USP7: variants seen among roughly 807,000 people sequenced by gnomAD.
USP7 encodes the protein ubiquitin C-terminal hydrolase 7.
USP7 carries 9 observed loss-of-function variants against 162.9 expected under a neutral mutation model. That is an observed-to-expected ratio of 0.06 (90% CI 0.03 to 0.10). USP7 has a LOEUF of 0.10. Ranked by LOEUF, USP7 falls within the 10% of genes least tolerant of loss-of-function variation. The pLI is 1.00. For missense variants in USP7, 715 were observed against 1,373.7 expected, an observed-to-expected ratio of 0.52 and a Z score of 7.58; for synonymous variants, 562 against 475.9, an observed-to-expected ratio of 1.18 and a Z score of -2.35.
chr16:8,929,298 T>C (rs11642973), intron 2 of USP7: 24,868 of 353,210 alleles, frequency 0.07, 1,181 homozygotes, highest in South Asian at 0.14. Context: ...ACCCACACCA[T>C]TGCCCTCGTC....
At chr16:8,896,954 C>G in intron 26 of USP7, 45 bp downstream of exon 26, 1 of 1,465,770 alleles carries the variant, frequency 6.8e-7, no homozygotes, top group Non-Finnish European at 9.6e-7. Flanking sequence ...GCGTTAACTG[C>G]CACCCCTAAC....
intron 1 of USP7, among the ~76,000 whole-genome samples, chr16:8,947,748 G>C (rs989172140): frequency 1.3e-5 from 2 of 152,094 alleles, no homozygotes; most frequent in African/African-American, 4.8e-5. Flanking sequence ...TTAGGACTTC[G>C]ACAGGATCCT....
At chr16:8,960,755 T>G (rs1309464159) in intron 1 of USP7, among the ~76,000 whole-genome samples, 1 of 152,208 alleles carries the variant, frequency 6.6e-6, no homozygotes, top group Non-Finnish European at 1.5e-5. Context: ...AGAAGTGTTC[T>G]CTCACTCTTT....
At chr16:8,904,658 A>G in intron 14 of USP7, 93 bp from the exon 15 acceptor site, 3 of 1,532,496 alleles carry the variant, frequency 2.0e-6, no homozygotes, top group Non-Finnish European at 2.6e-6. Flanking sequence ...AAAATAATCT[A>G]TTAGGCCGGC....
intron 6 of USP7, among the ~76,000 whole-genome samples, chr16:8,917,546 T>C (rs997874681): frequency 6.6e-6 from 1 of 151,826 alleles, no homozygotes; most frequent in Non-Finnish European, 1.5e-5. Flanking sequence ...GCCAGGCTAA[T>C]TTATGAATTT....
intron 10 of USP7, among the ~76,000 whole-genome samples, chr16:8,912,686 C>G (rs1417549808): frequency 6.6e-6 from 1 of 151,094 alleles, no homozygotes; most frequent in Admixed American, 6.6e-5. Flanking sequence ...CTTCGGGAGG[C>G]CAAGGCGGGC....
At chr16:8,911,563 T>C (rs1364200623) in intron 10 of USP7, among the ~76,000 whole-genome samples, 2 of 152,118 alleles carry the variant, frequency 1.3e-5, no homozygotes, top group African/African-American at 4.8e-5. Flanking sequence ...TCCGGACACA[T>C]GCGGTACAGG....
chr16:8,929,435 G>A, intron 2 of USP7: 2 of 455,324 alleles, frequency 4.4e-6, no homozygotes, highest in Non-Finnish European at 8.8e-6. Flanking sequence ...TCTCAACTAC[G>A]GCTGCAGTTT....
At chr16:8,901,107 A>G (rs114863685) in intron 19 of USP7, 35 bp downstream of exon 19, 1 of 1,613,240 alleles carries the variant, frequency 6.2e-7, no homozygotes, top group Non-Finnish European at 8.5e-7. Context: ...TACTGAGCAA[A>G]ATCTACTCAG....
chr16:8,897,726 A>AAAAAAAAAAAAAATATAT (rs1555461671), intron 25 of USP7, among the ~76,000 whole-genome samples: 1 of 7,138 alleles, frequency 1.4e-4, no homozygotes, highest in Non-Finnish European at 2.3e-4. Flanking sequence ...AAAAAAAAAA[A>AAAAAAAAAAAAAATATAT]ATATATATAT....
At chr16:8,962,735 G>A (rs1306965559) in intron 1 of USP7, 1 of 165,158 alleles carries the variant, frequency 6.1e-6, no homozygotes. Flanking sequence ...AAGTGATTTG[G>A]AAGAGCGCTT....
At chr16:8,910,688 A>C (rs2061932479) in intron 11 of USP7, 57 bp downstream of exon 11, 1 of 1,488,638 alleles carries the variant, frequency 6.7e-7, no homozygotes, top group Non-Finnish European at 9.3e-7. Flanking sequence ...CAATTAAAAG[A>C]ATTGAAAATA....
chr16:8,898,501 A>T (rs2061723406), intron 24 of USP7, 30 bp downstream of exon 24: 2 of 1,603,534 alleles, frequency 1.2e-6, no homozygotes, highest in East Asian at 4.5e-5. Context: ...TCTCTTTATG[A>T]CCCATAGTTA....
chr16:8,963,641 G>T lies in USP7; in HGVS notation c.-356C>A, dbSNP rs1246905794. On this transcript the variant is annotated 5_prime_UTR_variant, in exon 1 of 31. Transcript: ENST00000344836. ...GCCGGGGCTGCGGGGCCGCGGGCCG[G>T]CCGGGGGCGGAGGGCGGCCGGTCGG... Among the ~76,000 whole-genome samples the T allele has an allele frequency of 2.1e-5, 3 of 143,374 alleles. No homozygotes were observed. The highest frequency in any genetic ancestry group is 4.6e-5 in the Non-Finnish European group (3 of 64,824). 94.1% of individuals were successfully genotyped at this position (143,374 alleles called of 152,430 possible).
At chr16:8,923,682 T>C (rs146784688) in intron 2 of USP7, among the ~76,000 whole-genome samples, 2 of 152,284 alleles carry the variant, frequency 1.3e-5, no homozygotes, top group Non-Finnish European at 2.9e-5. Flanking sequence ...ATGAGAACAA[T>C]GTCTACTTTA....
rs898803266 is a variant in USP7, at chr16:8,894,695, A to C, written c.3112-55T>G. On this transcript the variant is annotated intron_variant, in intron 29 of 30. Transcript: ENST00000344836. ...TTATTTCTGTATATCAGCAAAACTCACATCTCTGGCAAAAAAGCCTAGGCC... is the reference window on the plus strand; with the variant it reads ...TTATTTCTGTATATCAGCAAAACTCCCATCTCTGGCAAAAAAGCCTAGGCC... 84 of 1,611,958 alleles carry C rather than the reference A, an allele frequency of 5.2e-5. 1 individual carries two copies. In the Middle Eastern group the frequency reaches 9.9e-4, roughly 19 times the overall value.
intron 29 of USP7, 40 bp downstream of exon 29, chr16:8,894,744 C>T: frequency 6.2e-7 from 1 of 1,614,112 alleles, no homozygotes; most frequent in East Asian, 2.2e-5. Context: ...AGGCTTGAGC[C>T]TATGGCCCGC....
At chr16:8,911,201 G>A (rs1343858346) in intron 10 of USP7, among the ~76,000 whole-genome samples, 1 of 152,218 alleles carries the variant, frequency 6.6e-6, no homozygotes, top group African/African-American at 2.4e-5. Flanking sequence ...GCTGGCTGAT[G>A]TGGCAGAATG....
intron 15 of USP7, among the ~76,000 whole-genome samples, chr16:8,903,717 A>G (rs921283156): frequency 6.6e-6 from 1 of 152,096 alleles, no homozygotes; most frequent in African/African-American, 2.4e-5. Flanking sequence ...AAAATACAAA[A>G]TTAGCTGGGT....
Sources: gnomAD v4.1 joint callset for allele counts (sites outside exome capture counted in the v4.1 genomes callset) on GRCh38, gnomAD v4.1.1 for gene constraint, MANE v1.5 for transcripts, NCBI Gene and HGNC (gene_info 2026-07-23, HGNC 2026-07-21) for gene names.